Variants in DENND1A observed in about 807,000 individuals in gnomAD.
DENND1A encodes the protein DENN domain-containing protein 1A.
Under a neutral mutation model 113.7 loss-of-function variants are expected in DENND1A, and 51 were observed. The ratio of observed to expected loss-of-function variants is 0.45; its 90% CI spans 0.36 to 0.57. The LOEUF is 0.57. Among genes scored for constraint, DENND1A ranks in the 20% least tolerant of loss-of-function variants. The pLI, the probability that DENND1A is intolerant of heterozygous loss-of-function variation, is 0.00. For missense variants in DENND1A, 1,258 were observed against 1,395.9 expected (o/e 0.90, Z 1.57); for synonymous variants, 565 against 570.8 (o/e 0.99, Z 0.14).
At chr9:123,922,081 T>A (rs936887687) in intron 1 of DENND1A, among the ~76,000 whole-genome samples, 3 of 152,040 alleles carry the variant, frequency 2.0e-5, no homozygotes, top group Admixed American at 6.6e-5. Context: ...CACAGATACA[T>A]GCCACCACAC....
intron 13 of DENND1A, among the ~76,000 whole-genome samples, chr9:123,548,608 T>C (rs1589088218): frequency 6.6e-6 from 1 of 152,196 alleles, no homozygotes; most frequent in East Asian, 1.9e-4. Context: ...CTATTAATTA[T>C]ACACACACAT....
chr9:123,621,705 G>A (rs566984178), intron 10 of DENND1A, among the ~76,000 whole-genome samples: 7 of 152,040 alleles, frequency 4.6e-5, no homozygotes, highest in South Asian at 2.1e-4. Context: ...TGCTTCCGCC[G>A]CACCACACTT....
At chr9:123,795,372 A>G (rs1833609574) in intron 2 of DENND1A, among the ~76,000 whole-genome samples, 1 of 152,244 alleles carries the variant, frequency 6.6e-6, no homozygotes, top group Non-Finnish European at 1.5e-5. Context: ...TCGCAATGCC[A>G]TAATGTCACC....
In DENND1A at chr9:123,702,859, A is replaced by T. The variant is rs182946160; in HGVS notation, c.303-26070T>A. Among the ~76,000 whole-genome samples the T allele has an allele frequency of 4.6e-5, 7 of 151,670 alleles. No homozygotes were observed. The East Asian group carries it at 1.2e-3, about 25-fold the overall frequency. On this transcript the variant is annotated intron_variant, in intron 5 of 23. Transcript: ENST00000394215. The stretch of plus-strand genomic sequence containing the variant: ...AGGATGCTAATAAATAACATAAAAC[A>T]TCTGAAAGTAAAAGTAAGTATACAG...
intron 5 of DENND1A, among the ~76,000 whole-genome samples, chr9:123,685,092 G>C (rs1296637895): frequency 1.3e-5 from 2 of 152,216 alleles, no homozygotes; most frequent in Non-Finnish European, 2.9e-5. Context: ...TTCCCTACAT[G>C]TGAAATGGGA....
At chr9:123,639,226 T>C (rs1035880602) in intron 9 of DENND1A, among the ~76,000 whole-genome samples, 1 of 151,584 alleles carries the variant, frequency 6.6e-6, no homozygotes, top group Non-Finnish European at 1.5e-5. Flanking sequence ...TCACTTCAGG[T>C]CAGGAGTTCG....
Position 123,787,507 on chromosome 9 carries a change from A to G in DENND1A, c.132+5080T>C, listed in dbSNP as rs562117087. On this transcript the variant is annotated intron_variant, in intron 3 of 23. Transcript: ENST00000394215. ...TATCTCTACCGTCTCTCTAATCAGAATCTTCCAGCTGATTTACATTGGTTA... is the reference window on the plus strand; with the variant it reads ...TATCTCTACCGTCTCTCTAATCAGAGTCTTCCAGCTGATTTACATTGGTTA... 5.3e-5 allele frequency among the ~76,000 whole-genome samples: 8 copies of G among 152,314 alleles called. No homozygotes were observed. In the South Asian group the frequency reaches 1.7e-3, roughly 32 times the overall value.
intron 19 of DENND1A, chr9:123,414,637 C>T: frequency 6.5e-7 from 1 of 1,543,466 alleles, no homozygotes. Context: ...AAAACCCACC[C>T]AAACCAGGCA....
chr9:123,546,608 C>T (rs1384197764), intron 13 of DENND1A, among the ~76,000 whole-genome samples: 1 of 152,060 alleles, frequency 6.6e-6, no homozygotes, highest in Non-Finnish European at 1.5e-5. Context: ...ATATGACCAC[C>T]AGCCTTTCTG....
At chr9:123,793,767 GT>G (rs1833359480) in intron 2 of DENND1A, among the ~76,000 whole-genome samples, 1 of 152,054 alleles carries the variant, frequency 6.6e-6, no homozygotes, top group South Asian at 2.1e-4. Flanking sequence ...AGAAATACCA[GT>G]TTTCAAGTCA....
chr9:123,727,557 G>A (rs1183068675), intron 5 of DENND1A, among the ~76,000 whole-genome samples: 3 of 152,102 alleles, frequency 2.0e-5, no homozygotes, highest in African/African-American at 7.2e-5. Flanking sequence ...ATCATAAACA[G>A]ATGATGACTC....
At chr9:123,820,718 T>C (rs1838322441) in intron 2 of DENND1A, among the ~76,000 whole-genome samples, 1 of 152,256 alleles carries the variant, frequency 6.6e-6, no homozygotes. Flanking sequence ...TCCCATATCT[T>C]ATATGTGATC....
intron 13 of DENND1A, among the ~76,000 whole-genome samples, chr9:123,524,510 C>A (rs1274544327): frequency 1.3e-5 from 2 of 152,162 alleles, no homozygotes; most frequent in Non-Finnish European, 2.9e-5. Context: ...ATGAGCCATG[C>A]CCTGTCTCCA....
chr9:123,518,042 C>T (rs192081106), intron 13 of DENND1A, among the ~76,000 whole-genome samples: 3 of 151,974 alleles, frequency 2.0e-5, no homozygotes, highest in Non-Finnish European at 4.4e-5. Context: ...TTTTTCCTGG[C>T]ATAAATTTTC....
intron 2 of DENND1A, among the ~76,000 whole-genome samples, chr9:123,844,331 A>T (rs1451295312): frequency 6.6e-6 from 1 of 152,214 alleles, no homozygotes; most frequent in Non-Finnish European, 1.5e-5. Context: ...TAAGAAATTC[A>T]CTAAAAACCT....
chr9:123,709,878 A>T (rs1027306325), intron 5 of DENND1A, among the ~76,000 whole-genome samples: 5 of 152,218 alleles, frequency 3.3e-5, no homozygotes, highest in Admixed American at 2.6e-4. Flanking sequence ...GGGGTATTGG[A>T]AAGGAAAAGT....
At chr9:123,657,746 A>T (rs1254356672) in intron 8 of DENND1A, among the ~76,000 whole-genome samples, 1 of 151,416 alleles carries the variant, frequency 6.6e-6, no homozygotes. Context: ...AAAAATTTTT[A>T]AAACCCTCAA....
chr9:123,835,541 C>T (rs1302047814), intron 2 of DENND1A, among the ~76,000 whole-genome samples: 3 of 151,848 alleles, frequency 2.0e-5, no homozygotes, highest in Admixed American at 2.0e-4. Context: ...CATAATAATA[C>T]ATTTCAAAAA....
chr9:123,870,515 C>A (rs911515540), intron 2 of DENND1A, among the ~76,000 whole-genome samples: 1 of 150,902 alleles, frequency 6.6e-6, no homozygotes, highest in East Asian at 2.0e-4. Flanking sequence ...GGGTTCACTG[C>A]AATCTCTGCC....
Sources: allele counts gnomAD v4.1 joint callset (sites outside exome capture counted in the v4.1 genomes callset), GRCh38; gene constraint gnomAD v4.1.1; transcripts MANE v1.5; gene names NCBI Gene and HGNC (gene_info 2026-07-23, HGNC 2026-07-21).